Variants in ATP11A observed in about 807,000 individuals in gnomAD.
The protein encoded by ATP11A is ATPase phospholipid transporting 11A, also known as phospholipid-transporting ATPase IH.
A neutral mutation model predicts 154.4 loss-of-function variants in ATP11A; 81 were observed. The observed-to-expected ratio is 0.52, with a 90% CI of 0.44 to 0.63. The LOEUF (loss-of-function observed/expected upper bound fraction) is 0.63, where lower values mean the gene tolerates loss of function less well. Among genes scored for constraint, ATP11A ranks in the 30% least tolerant of loss-of-function variants. The pLI, the probability that ATP11A is intolerant of heterozygous loss-of-function variation, is 0.00. For missense variants in ATP11A, 1,316 were observed against 1,474.3 expected (o/e 0.89, Z 1.76); for synonymous variants, 623 against 585.9 (o/e 1.06, Z -0.91).
At chr13:112,793,312 C>G (rs1343268150) in intron 2 of ATP11A, among the ~76,000 whole-genome samples, 1 of 152,222 alleles carries the variant, frequency 6.6e-6, no homozygotes, top group Non-Finnish European at 1.5e-5. Flanking sequence ...AGTGATTCTC[C>G]TGCCTCAGCC....
chr13:112,763,262 A>G (rs893683408), intron 1 of ATP11A, among the ~76,000 whole-genome samples: 1 of 152,158 alleles, frequency 6.6e-6, no homozygotes, highest in Admixed American at 6.5e-5. Context: ...AGGGGACCCC[A>G]AGGAAATGGG....
intron 2 of ATP11A, among the ~76,000 whole-genome samples, chr13:112,797,579 C>G (rs973906566): frequency 3.9e-5 from 6 of 152,132 alleles, no homozygotes; most frequent in African/African-American, 1.4e-4. Flanking sequence ...TTATATCAAA[C>G]TTTCTTCCAG....
chr13:112,739,662 T>C (rs1891335170), intron 1 of ATP11A, among the ~76,000 whole-genome samples: 2 of 152,246 alleles, frequency 1.3e-5, no homozygotes, highest in South Asian at 4.1e-4. Flanking sequence ...CACGGAAACT[T>C]TCACACAGAT....
chr13:112,882,919 C>T lies in ATP11A; in HGVS notation c.*1053C>T. The T allele has an allele frequency of 2.5e-6, 1 of 399,088 alleles. No individual in the cohort carries two copies. The highest frequency in any genetic ancestry group is 4.4e-6 in the Non-Finnish European group (1 of 226,446). 24.7% of individuals were successfully genotyped at this position (399,088 alleles called of 1,614,324 possible). ...GGGCTGACGGGGGTGGCACACAGGA[C>T]ACGGGTGGATCCCAACAGGCAGCAC... On this transcript the variant is annotated 3_prime_UTR_variant, in exon 30 of 30. Transcript: ENST00000375645. The surrounding 1 kb of genome is among the most constrained non-coding windows in gnomAD (Gnocchi z 5.1).
In ATP11A at chr13:112,860,393, A is replaced by G. The variant is rs774462421; in HGVS notation, c.2834A>G (p.Lys945Arg). The change falls in exon 24 of 30, where the codon AAG becomes AGG. Residue 945 changes from lysine (K) to arginine (R), a missense_variant. Lys to Arg is a conservative substitution (Grantham distance 26, BLOSUM62 2). Coordinates refer to ENST00000375645, the MANE Select transcript of ATP11A (RefSeq NM_015205.3). ...MEQHVGIDVL[K>R]RDPTLYRDVA... ...CAGCATGTTGGCATTGACGTGCTCA[A>G]GAGAGACCCGACCCTGTACAGGTAC... 1.1e-5 allele frequency: 17 copies of G among 1,614,060 alleles called. No individual in the cohort carries two copies. The highest frequency in any genetic ancestry group is 1.4e-5 in the Non-Finnish European group (16 of 1,180,036).
intron 24 of ATP11A, among the ~76,000 whole-genome samples, chr13:112,861,478 T>C (rs1221690524): frequency 6.6e-6 from 1 of 152,264 alleles, no homozygotes; most frequent in Non-Finnish European, 1.5e-5. Context: ...ATCACCCAGC[T>C]TTCCCTGCAC....
chr13:112,856,312 G>A lies in ATP11A; in HGVS notation c.2418+227G>A. The A allele has an allele frequency of 1.0e-5, 4 of 399,566 alleles. No homozygotes were observed. In the East Asian group the frequency reaches 1.7e-4, roughly 17 times the overall value. The allele number at this position is 399,566 out of a possible 1,614,324, so 24.8% of individuals were successfully genotyped here. ...AGTCAGATGTATGACCCTTCCAGAT[G>A]CAGTGGCCAGGACAGCTGCCCTGGC... On this transcript the variant is annotated intron_variant, in intron 20 of 29. Transcript: ENST00000375645.
At chr13:112,831,827 G>A (rs978209814) in intron 13 of ATP11A, among the ~76,000 whole-genome samples, 3 of 151,960 alleles carry the variant, frequency 2.0e-5, no homozygotes, top group African/African-American at 7.3e-5. Context: ...ATGCACACAC[G>A]CTCACATGCA....
At chr13:112,845,834 AGC>A in intron 17 of ATP11A, among the ~76,000 whole-genome samples, 2 of 135,922 alleles carry the variant, frequency 1.5e-5, no homozygotes, top group African/African-American at 5.5e-5. Flanking sequence ...TGCCGGCACT[AGC>A]AGTACTAACC....
chr13:112,868,237 A>G (rs1006115278), intron 25 of ATP11A, among the ~76,000 whole-genome samples: 1 of 152,254 alleles, frequency 6.6e-6, no homozygotes, highest in Admixed American at 6.5e-5. Flanking sequence ...CGTATGGGCC[A>G]GGTGGGAGGC....
intron 1 of ATP11A, among the ~76,000 whole-genome samples, chr13:112,742,051 C>T (rs1453209010): frequency 3.3e-5 from 5 of 152,172 alleles, no homozygotes; most frequent in East Asian, 1.9e-4. Context: ...GGAGTGCTCC[C>T]CCTCCCCACA....
At chr13:112,731,931 T>TGGG (rs1321266842) in intron 1 of ATP11A, among the ~76,000 whole-genome samples, 1 of 37,100 alleles carries the variant, frequency 2.7e-5, no homozygotes, top group Non-Finnish European at 5.0e-5. Context: ...GGTGGAGAAA[T>TGGG]GGGGGCGGGG....
At chr13:112,691,483 G>GGTGTGTGTGTGTGTGTGTGT (rs58956060) in intron 1 of ATP11A, among the ~76,000 whole-genome samples, 5 of 125,148 alleles carry the variant, frequency 4.0e-5, no homozygotes, top group African/African-American at 1.5e-4. Context: ...AAAAAAAAAG[G>GGTGTGTGTGTGTGTGTGTGT]GTGTGTGTGT....
chr13:112,864,291 C>G (rs1215721071), intron 25 of ATP11A, among the ~76,000 whole-genome samples: 4 of 101,642 alleles, frequency 3.9e-5, no homozygotes, highest in Admixed American at 1.1e-4. Context: ...TTCAGTGCGG[C>G]CCATGCAGCT....
At chr13:112,873,874 C>G (rs571351885) in intron 27 of ATP11A, among the ~76,000 whole-genome samples, 198 bp downstream of exon 27, 1 of 152,234 alleles carries the variant, frequency 6.6e-6, no homozygotes, top group Admixed American at 6.5e-5. Flanking sequence ...GCTCCGGTGA[C>G]TTGCATCTTC....
At chr13:112,833,692 A>T (rs888461037) in intron 14 of ATP11A, among the ~76,000 whole-genome samples, 3 of 152,150 alleles carry the variant, frequency 2.0e-5, no homozygotes. Context: ...TTCTCCATGC[A>T]ACTTGAGTAG....
chr13:112,704,023 A>T (rs1011514581), intron 1 of ATP11A, among the ~76,000 whole-genome samples: 41 of 152,182 alleles, frequency 2.7e-4, no homozygotes, highest in African/African-American at 9.7e-4. Flanking sequence ...CGTTGACAAA[A>T]TTGGACCGTG....
intron 1 of ATP11A, among the ~76,000 whole-genome samples, chr13:112,749,874 C>G (rs1207426769): frequency 8.2e-6 from 1 of 121,320 alleles, no homozygotes; most frequent in East Asian, 2.8e-4. Flanking sequence ...TGGGGACACG[C>G]CTGCTGAAGG....
At chr13:112,854,663 C>T (rs1200762066) in intron 19 of ATP11A, 133 bp downstream of exon 19, 14 of 1,099,932 alleles carry the variant, frequency 1.3e-5, no homozygotes, top group Admixed American at 2.8e-5. Flanking sequence ...GCATTAATGC[C>T]AGCTTCTTAG....
Sources: gnomAD v4.1 joint callset for allele counts (sites outside exome capture counted in the v4.1 genomes callset) on GRCh38, gnomAD v4.1.1 for gene constraint, Gnocchi (gnomAD v3.1) non-coding constraint, MANE v1.5 for transcripts, NCBI Gene and HGNC (gene_info 2026-07-23, HGNC 2026-07-21) for gene names.